TMEM108: variants seen among roughly 807,000 people sequenced by gnomAD.
The protein encoded by TMEM108 is transmembrane protein 108.
TMEM108 carries 12 observed loss-of-function variants against 35.1 expected under a neutral mutation model. The observed-to-expected ratio is 0.34, with a 90% CI of 0.22 to 0.55. The LOEUF (loss-of-function observed/expected upper bound fraction) is 0.55, where lower values mean the gene tolerates loss of function less well. Ranked by LOEUF, TMEM108 falls within the 20% of genes least tolerant of loss-of-function variation. The probability of loss-of-function intolerance (pLI) is 0.89; values close to 1 mark genes in which losing one functional copy is unlikely to be tolerated. For missense variants in TMEM108, 680 were observed against 753.3 expected, an observed-to-expected ratio of 0.90 and a Z score of 1.14; for synonymous variants, 287 against 308.6, an observed-to-expected ratio of 0.93 and a Z score of 0.73.
chr3:133,120,639 A>G (rs1282620803), intron 2 of TMEM108, among the ~76,000 whole-genome samples: 1 of 125,088 alleles, frequency 8.0e-6, no homozygotes, highest in African/African-American at 3.0e-5. Flanking sequence ...CTTCTGTCAC[A>G]TTTTGAATAT....
rs184182022 is a variant in TMEM108 at position 133,118,145 on chromosome 3, C to T, written c.-47+72125C>T. 7.9e-5 allele frequency among the ~76,000 whole-genome samples: 12 copies of T among 152,198 alleles called. No homozygotes were observed. The East Asian group carries it at 1.4e-3, about 17-fold the overall frequency. On this transcript the variant is annotated intron_variant, in intron 2 of 5. Coordinates refer to ENST00000321871, the MANE Select transcript of TMEM108 (RefSeq NM_023943.4). ...CTGATTTCTAGGAGTTGGTAAAGTACTTACGCTAGGTTCTCTGACTTCTGG... is the reference window on the plus strand; with the variant it reads ...CTGATTTCTAGGAGTTGGTAAAGTATTTACGCTAGGTTCTCTGACTTCTGG...
At chr3:133,192,069 C>A (rs1307998596) in intron 2 of TMEM108, among the ~76,000 whole-genome samples, 1 of 152,078 alleles carries the variant, frequency 6.6e-6, no homozygotes. Context: ...TTGCTGAGAT[C>A]ATGTATGTCC....
chr3:133,233,721 T>C (rs1002618424), intron 3 of TMEM108, among the ~76,000 whole-genome samples: 3 of 149,446 alleles, frequency 2.0e-5, no homozygotes, highest in Non-Finnish European at 3.0e-5. Context: ...GACTTTTTAA[T>C]GATCGCCATT....
intron 3 of TMEM108, among the ~76,000 whole-genome samples, chr3:133,374,350 A>G (rs956506349): frequency 1.3e-5 from 2 of 152,178 alleles, no homozygotes; most frequent in African/African-American, 2.4e-5. Context: ...TAAAACAGCA[A>G]TGCACAAAAT....
At chr3:133,224,844 C>T (rs371658602) in intron 2 of TMEM108, among the ~76,000 whole-genome samples, 5 of 120,614 alleles carry the variant, frequency 4.1e-5, no homozygotes, top group East Asian at 2.9e-4. Context: ...AAATATTAGA[C>T]ATCTTAACAT....
At chr3:133,085,364 G>A (rs531896447) in intron 2 of TMEM108, among the ~76,000 whole-genome samples, 4 of 152,044 alleles carry the variant, frequency 2.6e-5, no homozygotes, top group Non-Finnish European at 4.4e-5. Context: ...GCCCACTATG[G>A]TGCTTATTCA....
At chr3:133,069,346 C>CT (rs1348318719) in intron 2 of TMEM108, among the ~76,000 whole-genome samples, 1 of 152,066 alleles carries the variant, frequency 6.6e-6, no homozygotes, top group Non-Finnish European at 1.5e-5. Flanking sequence ...AGAACCAGTT[C>CT]TTTTTTAAAA....
intron 3 of TMEM108, among the ~76,000 whole-genome samples, chr3:133,359,262 C>T (rs752415565): frequency 2.2e-4 from 33 of 152,054 alleles, no homozygotes; most frequent in Non-Finnish European, 4.4e-4. Context: ...TTTTGGAAAC[C>T]CTGCTTTTTA....
intron 2 of TMEM108, among the ~76,000 whole-genome samples, chr3:133,180,574 A>C (rs1945320827): frequency 6.6e-6 from 1 of 152,136 alleles, no homozygotes; most frequent in South Asian, 2.1e-4. Context: ...TCCACAAAAA[A>C]CCTTTCCCCA....
At chr3:133,281,425 G>A (rs1425375091) in intron 3 of TMEM108, among the ~76,000 whole-genome samples, 5 of 152,232 alleles carry the variant, frequency 3.3e-5, no homozygotes, top group East Asian at 3.8e-4. Flanking sequence ...GAGTTATAAC[G>A]TCAGATAAAA....
At chr3:133,227,394 C>T (rs1384615869) in intron 2 of TMEM108, among the ~76,000 whole-genome samples, 8 of 148,416 alleles carry the variant, frequency 5.4e-5, no homozygotes, top group East Asian at 4.1e-4. Context: ...GGGGTTTCAC[C>T]GTGTTAGCCA....
chr3:133,164,080 T>C (rs1945000277), intron 2 of TMEM108, among the ~76,000 whole-genome samples: 1 of 152,240 alleles, frequency 6.6e-6, no homozygotes, highest in African/African-American at 2.4e-5. Context: ...TATTGTTTTC[T>C]CTTTGTAAGC....
intron 3 of TMEM108, among the ~76,000 whole-genome samples, chr3:133,271,317 C>T (rs1000996774): frequency 1.3e-5 from 2 of 152,026 alleles, no homozygotes; most frequent in South Asian, 4.2e-4. Flanking sequence ...AAATTGTCTG[C>T]GGAGTTGGAA....
At chr3:133,081,316 G>A (rs1444379450) in intron 2 of TMEM108, among the ~76,000 whole-genome samples, 3 of 152,164 alleles carry the variant, frequency 2.0e-5, no homozygotes, top group African/African-American at 7.2e-5. Context: ...TTTGCAGATG[G>A]CCACCTCCTT....
In TMEM108 at chr3:133,150,346, T is replaced by TTTTTG. The variant is rs1257010267; in HGVS notation, c.-46-78916_-46-78915insGTTTT. Among the ~76,000 whole-genome samples, 26 of 150,296 alleles carry TTTTTG rather than the reference T, an allele frequency of 1.7e-4. 1 individual carries two copies. The highest frequency in any genetic ancestry group is 3.7e-4 in the Non-Finnish European group (25 of 67,628). ...TTAAAAAAATCAGGTTATTTGGTTT[T>TTTTTG]TTTTTTTTTTTTGCAATTGAGTTGT... On this transcript the variant is annotated intron_variant, in intron 2 of 5. Coordinates refer to ENST00000321871, the MANE Select transcript of TMEM108 (RefSeq NM_023943.4).
At chr3:133,084,814 A>G (rs1943860654) in intron 2 of TMEM108, among the ~76,000 whole-genome samples, 1 of 152,198 alleles carries the variant, frequency 6.6e-6, no homozygotes, top group Non-Finnish European at 1.5e-5. Flanking sequence ...AAGTTCAAAT[A>G]TTCGTGAGAT....
intron 4 of TMEM108, among the ~76,000 whole-genome samples, chr3:133,383,767 C>T: frequency 6.6e-6 from 1 of 152,208 alleles, no homozygotes; most frequent in Non-Finnish European, 1.5e-5. Context: ...GGAGATGGAA[C>T]ATATTACTTT....
In TMEM108 at chr3:133,380,190, C is replaced by A; in HGVS notation, c.479C>A (p.Thr160Asn). The A allele has an allele frequency of 6.2e-7, 1 of 1,611,732 alleles. No individual in the cohort carries two copies. Among genetic ancestry groups the A allele is most frequent in the Non-Finnish European group, 8.5e-7 (1 of 1,178,808 alleles). The change falls in exon 4 of 6, where the codon ACT (threonine) becomes AAT (asparagine). Residue 160 changes from threonine to asparagine, a missense_variant. By Grantham distance (65) the Thr-to-Asn change is moderately conservative (BLOSUM62 0). Coordinates refer to ENST00000321871, the MANE Select transcript of TMEM108 (RefSeq NM_023943.4). This position sits in a 1 kb window ranked among gnomAD's most constrained non-coding sequence, Gnocchi z 5.3. The stretch of plus-strand genomic sequence containing the variant: ...CGCCCCACCACAGCGCCCCCCCGCA[C>A]TACCACACGCAGGCCCCCCAGGCCC... ...TSRPTTAPPR[T>N]TTRRPPRPPG... is the part of the protein sequence containing the mutation.
At chr3:133,333,516 T>C (rs994467917) in intron 3 of TMEM108, among the ~76,000 whole-genome samples, 3 of 152,140 alleles carry the variant, frequency 2.0e-5, no homozygotes, top group Non-Finnish European at 4.4e-5. Context: ...AGAAAAGATG[T>C]GTGAATCAAA....
Sources: allele counts gnomAD v4.1 joint callset (sites outside exome capture counted in the v4.1 genomes callset), GRCh38; gene constraint gnomAD v4.1.1; non-coding constraint Gnocchi (gnomAD v3.1); transcripts MANE v1.5; gene names NCBI Gene and HGNC (gene_info 2026-07-23, HGNC 2026-07-21).